Variants in BCL11A observed in about 807,000 individuals in gnomAD.
BCL11A encodes BCL11 transcription factor A.
A neutral mutation model predicts 55.9 loss-of-function variants in BCL11A; 2 were observed. The observed-to-expected ratio is 0.04, with a 90% CI of 0.01 to 0.11. BCL11A has a LOEUF of 0.11. Among genes scored for constraint, BCL11A ranks in the 10% least tolerant of loss-of-function variants. The pLI is 1.00. For synonymous variants in BCL11A, 465 were observed against 473.4 expected (o/e 0.98, Z 0.23); for missense variants, 817 against 1,137.1 (o/e 0.72, Z 4.05).
chr2:60,502,503 A>G (rs1029681809), intron 2 of BCL11A, among the ~76,000 whole-genome samples: 15 of 152,192 alleles, frequency 9.9e-5, no homozygotes, highest in Non-Finnish European at 2.1e-4. Context: ...TTGTACATAC[A>G]ATTCTGGGAT....
At chr2:60,520,990 G>T (rs1446062110) in intron 2 of BCL11A, among the ~76,000 whole-genome samples, 4 of 152,042 alleles carry the variant, frequency 2.6e-5, no homozygotes, top group African/African-American at 9.7e-5. Flanking sequence ...CCAAGTCTGG[G>T]AAACTATTTG....
rs1676101694 is a variant in BCL11A at position 60,459,301 on chromosome 2, A to G, written c.*1103T>C. ...TTTTAAAAAGACATTATTAAAGCAA[A>G]TATCTTCATAAAATGAACTCCTTAC... On this transcript the variant is annotated 3_prime_UTR_variant, in exon 4 of 4. Transcript: ENST00000642384. 21 of 1,016,520 alleles carry G rather than the reference A, an allele frequency of 2.1e-5. No individual in the cohort carries two copies. The South Asian group carries it at 8.8e-4, about 43-fold the overall frequency. 63.0% of individuals were successfully genotyped at this position (1,016,520 alleles called of 1,614,324 possible). A position where few individuals can be genotyped will look rare whatever the true frequency, so the allele number is the denominator to read the frequency against.
At chr2:60,493,197 T>C (rs561644505) in intron 2 of BCL11A, among the ~76,000 whole-genome samples, 9 of 152,294 alleles carry the variant, frequency 5.9e-5, no homozygotes, top group African/African-American at 1.9e-4. Flanking sequence ...TATTCCACCA[T>C]AGGGCGTTTA....
chr2:60,545,716 G>A (rs1001084853), intron 2 of BCL11A: 3 of 433,524 alleles, frequency 6.9e-6, no homozygotes, highest in African/African-American at 2.0e-5. Flanking sequence ...ATCCAAAATC[G>A]ACAGATCCAG....
At chr2:60,541,888 C>A in intron 2 of BCL11A, 1 of 706,452 alleles carries the variant, frequency 1.4e-6, no homozygotes, top group Admixed American at 2.1e-5. Context: ...ACAATTACAC[C>A]ATAAGGTACA....
At position 60,546,956 on chromosome 2, in the gene BCL11A, C is replaced by A. The variant is rs544803253; in HGVS notation, c.56-656G>T. Among the ~76,000 whole-genome samples, 2 of 152,222 alleles carry A rather than the reference C, an allele frequency of 1.3e-5. No homozygotes were observed. The highest frequency in any genetic ancestry group is 2.1e-4 in the South Asian group (1 of 4,836). On this transcript the variant is annotated intron_variant, in intron 1 of 3. Coordinates refer to ENST00000642384, the MANE Select transcript of BCL11A (RefSeq NM_022893.4). The surrounding 1 kb of genome is among the most constrained non-coding windows in gnomAD (Gnocchi z 4.1). Reference sequence around the variant, plus strand: ...GATCTAAATAATAATCATGTCGCAGCATAATTCACACTGCCAAAAACCTTT... The same window carrying A: ...GATCTAAATAATAATCATGTCGCAGAATAATTCACACTGCCAAAAACCTTT...
intron 1 of BCL11A, chr2:60,550,798 C>T (rs1670379180): frequency 2.5e-6 from 1 of 398,974 alleles, no homozygotes; most frequent in Non-Finnish European, 4.4e-6. Flanking sequence ...TGAGCCCCCA[C>T]TGCATCCTTC....
rs1001792944 is a variant in BCL11A at position 60,546,596 on chromosome 2, A to G, written c.56-296T>C. Among the ~76,000 whole-genome samples the G allele has an allele frequency of 1.3e-5, 2 of 152,150 alleles. No homozygotes were observed. Among genetic ancestry groups the G allele is most frequent in the African/African-American group, 4.8e-5 (2 of 41,416 alleles). ...ACCCATGCACACACCCACAGCAACA[A>G]ATGTGTCTGGTTTGTAAGTTTAGAA... On this transcript the variant is annotated intron_variant, in intron 1 of 3. Coordinates refer to ENST00000642384, the MANE Select transcript of BCL11A (RefSeq NM_022893.4). This position sits in a 1 kb window ranked among gnomAD's most constrained non-coding sequence, Gnocchi z 4.1.
chr2:60,515,540 C>T (rs1053471059), intron 2 of BCL11A, among the ~76,000 whole-genome samples: 1 of 152,198 alleles, frequency 6.6e-6, no homozygotes, highest in Non-Finnish European at 1.5e-5. Flanking sequence ...ACACCTCCTC[C>T]AAAGAAAGCC....
chr2:60,459,936 C>T lies in BCL11A; in HGVS notation c.*468G>A, dbSNP rs532272289. ...AGAATGTATGCAGCATGGTCTTTTT[C>T]TCTCTCTCTCTCTTTTTCTCTCAGA... is the stretch of plus-strand genomic sequence containing the variant. On this transcript the variant is annotated 3_prime_UTR_variant, in exon 4 of 4. Transcript: ENST00000642384. 9.8e-5 allele frequency: 96 copies of T among 974,752 alleles called. 1 individual carries two copies. The East Asian group carries it at 5.1e-3, about 52-fold the overall frequency. 60.4% of individuals were successfully genotyped at this position (974,752 alleles called of 1,614,324 possible).
At chr2:60,501,414 C>A (rs1444010020) in intron 2 of BCL11A, among the ~76,000 whole-genome samples, 1 of 152,038 alleles carries the variant, frequency 6.6e-6, no homozygotes, top group Non-Finnish European at 1.5e-5. Flanking sequence ...TTAATCACTT[C>A]CAAATACTTT....
intron 2 of BCL11A, among the ~76,000 whole-genome samples, chr2:60,489,537 A>C (rs910808924): frequency 3.3e-5 from 5 of 152,210 alleles, no homozygotes; most frequent in Admixed American, 3.3e-4. Context: ...CCACAAACAA[A>C]AGCTTGTTTG....
At chr2:60,505,242 G>A (rs937259103) in intron 2 of BCL11A, among the ~76,000 whole-genome samples, 16 of 152,204 alleles carry the variant, frequency 1.1e-4, no homozygotes, top group African/African-American at 3.9e-4. Flanking sequence ...AAAAAAGCTA[G>A]AGGATCGGAG....
At chr2:60,495,668 G>A (rs569260481) in intron 2 of BCL11A, 5 of 152,354 alleles carry the variant, frequency 3.3e-5, no homozygotes, top group East Asian at 3.9e-4. Flanking sequence ...ACAGACACAC[G>A]TATGTGTTGT....
chr2:60,467,318 G>A (rs1225718179), intron 3 of BCL11A, among the ~76,000 whole-genome samples: 1 of 82,888 alleles, frequency 1.2e-5, no homozygotes. Flanking sequence ...GGTGGTGATG[G>A]TGGTGGTGGT....
chr2:60,485,665 T>C (rs1247650404), intron 2 of BCL11A, among the ~76,000 whole-genome samples: 1 of 152,234 alleles, frequency 6.6e-6, no homozygotes, highest in Non-Finnish European at 1.5e-5. Flanking sequence ...AACCTAGATA[T>C]GAGAAACAAC....
At chr2:60,520,189 A>C (rs1573048663) in intron 2 of BCL11A, among the ~76,000 whole-genome samples, 1 of 152,332 alleles carries the variant, frequency 6.6e-6, no homozygotes, top group Non-Finnish European at 1.5e-5. Flanking sequence ...AAATAATTGC[A>C]AAATTATTTA....
At chr2:60,503,724 A>T (rs1475368968) in intron 2 of BCL11A, among the ~76,000 whole-genome samples, 1 of 152,178 alleles carries the variant, frequency 6.6e-6, no homozygotes, top group Non-Finnish European at 1.5e-5. Flanking sequence ...GGGAAATGTG[A>T]CATTTTGTGA....
chr2:60,553,202 A>G lies in BCL11A; in HGVS notation c.55+14T>C, dbSNP rs369157642. On this transcript the variant is annotated intron_variant, in intron 1 of 3. Coordinates refer to ENST00000642384, the MANE Select transcript of BCL11A (RefSeq NM_022893.4). ...ATTATTAATAATTATTATTACTATT[A>G]TTGGGTTACTTACGCGAGAATTCCC... 20 of 1,599,680 alleles carry G rather than the reference A, an allele frequency of 1.3e-5. No homozygotes were observed. Among genetic ancestry groups the G allele is most frequent in the Non-Finnish European group, 1.4e-5 (17 of 1,174,936 alleles).
Sources: allele counts gnomAD v4.1 joint callset (sites outside exome capture counted in the v4.1 genomes callset), GRCh38; gene constraint gnomAD v4.1.1; non-coding constraint Gnocchi (gnomAD v3.1); transcripts MANE v1.5; gene names NCBI Gene and HGNC (gene_info 2026-07-23, HGNC 2026-07-21).